EDAR: variants seen among roughly 807,000 people sequenced by gnomAD.
EDAR encodes tumor necrosis factor receptor superfamily member EDAR.
In EDAR, 38 loss-of-function variants were observed where a neutral mutation model predicts 51.3. The observed-to-expected ratio is 0.74, with a 90% CI of 0.57 to 0.97. The LOEUF (loss-of-function observed/expected upper bound fraction) is 0.97. EDAR is among the 50% of genes least tolerant of loss of function. The pLI is 0.00. For synonymous variants in EDAR, 227 were observed against 242.1 expected, an observed-to-expected ratio of 0.94 and a Z score of 0.58; for missense variants, 528 against 595.0, an observed-to-expected ratio of 0.89 and a Z score of 1.17.
At chr2:108,935,184 C>T (rs557366756) in intron 1 of EDAR, among the ~76,000 whole-genome samples, 2 of 152,318 alleles carry the variant, frequency 1.3e-5, no homozygotes, top group African/African-American at 2.4e-5. Context: ...GCTCTCTCTT[C>T]CTCTGCCTTT....
At chr2:108,950,583 T>TGAC (rs1228780632) in intron 1 of EDAR, among the ~76,000 whole-genome samples, 1 of 152,232 alleles carries the variant, frequency 6.6e-6, no homozygotes, top group African/African-American at 2.4e-5. Flanking sequence ...GGACAGTGTG[T>TGAC]GACTTCATCC....
intron 1 of EDAR, among the ~76,000 whole-genome samples, chr2:108,983,985 A>AG (rs1698458124): frequency 6.6e-6 from 1 of 152,184 alleles, no homozygotes; most frequent in Admixed American, 6.5e-5. Flanking sequence ...CAGGGCTGCA[A>AG]GGGGGGCGAC....
intron 4 of EDAR, among the ~76,000 whole-genome samples, chr2:108,924,967 G>T (rs1255422044): frequency 6.6e-6 from 1 of 152,194 alleles, no homozygotes; most frequent in Non-Finnish European, 1.5e-5. Flanking sequence ...AACATCTCAG[G>T]CTCCTAGGTG....
intron 1 of EDAR, among the ~76,000 whole-genome samples, chr2:108,974,329 CAAAAAA>C (rs11346592): frequency 6.7e-4 from 41 of 61,530 alleles, no homozygotes; most frequent in African/African-American, 2.4e-3. Context: ...GGATCCGTCT[CAAAAAA>C]AAAAAAAAAA....
In EDAR at chr2:108,894,503, A is replaced by ATAAT. The variant is rs1301675108; in HGVS notation, c.*2400_*2403dup. Reference sequence around the variant, plus strand: ...AATGTGTTTATTGAGATTATAAAATATAATAAGTTATATATATACAGAATT... The same window carrying ATAAT: ...AATGTGTTTATTGAGATTATAAAATATAATTAATAAGTTATATATATACAGAATT... On this transcript the variant is annotated 3_prime_UTR_variant, in exon 12 of 12. Coordinates refer to ENST00000258443, the MANE Select transcript of EDAR (RefSeq NM_022336.4). The ATAAT allele has an allele frequency of 1.2e-4, 19 of 152,632 alleles. No individual in the cohort carries two copies. Among genetic ancestry groups the ATAAT allele is most frequent in the Admixed American group, 1.1e-3 (17 of 15,282 alleles). The allele number at this position is 152,632 out of a possible 1,614,324, so 9.5% of individuals were successfully genotyped here. A position where few individuals can be genotyped will look rare whatever the true frequency, so the allele number is the denominator to read the frequency against.
chr2:108,977,128 C>G (rs76102605), intron 1 of EDAR, among the ~76,000 whole-genome samples: 2 of 152,156 alleles, frequency 1.3e-5, no homozygotes, highest in Non-Finnish European at 2.9e-5. Flanking sequence ...GTGGCCCCCA[C>G]TGGCCCGGGC....
intron 9 of EDAR, among the ~76,000 whole-genome samples, chr2:108,908,595 G>C (rs1367143638): frequency 2.0e-5 from 3 of 152,146 alleles, no homozygotes; most frequent in Non-Finnish European, 2.9e-5. Context: ...GGTGAGCTGG[G>C]TGGGCGGTCG....
At chr2:108,977,202 A>G (rs1698337779) in intron 1 of EDAR, among the ~76,000 whole-genome samples, 1 of 152,122 alleles carries the variant, frequency 6.6e-6, no homozygotes. Context: ...TGACCACCCC[A>G]TGGACCATCA....
At chr2:108,944,571 A>C (rs1697678496) in intron 1 of EDAR, among the ~76,000 whole-genome samples, 1 of 152,092 alleles carries the variant, frequency 6.6e-6, no homozygotes, top group Admixed American at 6.5e-5. Flanking sequence ...GCTCCTTCAC[A>C]AGCAGACCTG....
At chr2:108,981,437 T>C (rs1183376227) in intron 1 of EDAR, among the ~76,000 whole-genome samples, 2 of 152,172 alleles carry the variant, frequency 1.3e-5, no homozygotes, top group Non-Finnish European at 2.9e-5. Flanking sequence ...GTGAGAAGAA[T>C]GGCTGGCCAG....
intron 1 of EDAR, among the ~76,000 whole-genome samples, chr2:108,961,676 T>G (rs1698049176): frequency 6.6e-6 from 1 of 152,236 alleles, no homozygotes. Flanking sequence ...ACATTCATTC[T>G]GATGCAAGGG....
At chr2:108,959,647 C>T (rs260685) in intron 1 of EDAR, among the ~76,000 whole-genome samples, 6 of 151,956 alleles carry the variant, frequency 3.9e-5, no homozygotes, top group South Asian at 2.1e-4. Context: ...CTGTGGCATG[C>T]GCCCTGGGAC....
At chr2:108,942,010 G>A (rs141030307) in intron 1 of EDAR, among the ~76,000 whole-genome samples, 1 of 152,370 alleles carries the variant, frequency 6.6e-6, no homozygotes, top group Non-Finnish European at 1.5e-5. Context: ...TGCCCCTTGT[G>A]TGATGGAAAC....
intron 1 of EDAR, among the ~76,000 whole-genome samples, chr2:108,968,633 T>C (rs180828555): frequency 1.3e-5 from 2 of 152,220 alleles, no homozygotes; most frequent in Non-Finnish European, 2.9e-5. Flanking sequence ...TCTTCCTAGC[T>C]ACCAGGGAAG....
chr2:108,938,785 T>C (rs1054196251), intron 1 of EDAR, among the ~76,000 whole-genome samples: 2 of 148,186 alleles, frequency 1.3e-5, no homozygotes, highest in African/African-American at 2.6e-5. Context: ...CTAGGACTTC[T>C]TCCCCCCCCG....
chr2:108,914,877 C>G (rs1463596484), intron 5 of EDAR, among the ~76,000 whole-genome samples: 1 of 152,180 alleles, frequency 6.6e-6, no homozygotes, highest in East Asian at 1.9e-4. Context: ...GCCCATGCAG[C>G]AAGGCTTCCG....
chr2:108,923,593 T>A, intron 4 of EDAR, 140 bp from the exon 5 acceptor site: 1 of 725,248 alleles, frequency 1.4e-6, no homozygotes, highest in Non-Finnish European at 2.5e-6. Context: ...AGTCACCTGC[T>A]CTGTCCACTC....
intron 4 of EDAR, among the ~76,000 whole-genome samples, chr2:108,925,394 C>T (rs561227664): frequency 6.6e-4 from 101 of 152,334 alleles, no homozygotes; most frequent in South Asian, 1.0e-3. Flanking sequence ...CAAGGCTACA[C>T]GGCGGATGCA....
chr2:108,960,536 C>T (rs1287341908), intron 1 of EDAR, among the ~76,000 whole-genome samples: 1 of 152,194 alleles, frequency 6.6e-6, no homozygotes, highest in African/African-American at 2.4e-5. Context: ...TCTGCTGCCC[C>T]GTCAGCCAGC....
Sources: allele counts gnomAD v4.1 joint callset (sites outside exome capture counted in the v4.1 genomes callset), GRCh38; gene constraint gnomAD v4.1.1; transcripts MANE v1.5; gene names NCBI Gene and HGNC (gene_info 2026-07-23, HGNC 2026-07-21).